SCUBE1: variants seen among roughly 807,000 people sequenced by gnomAD.
SCUBE1 encodes the protein signal peptide, CUB and EGF-like domain-containing protein 1.
Under a neutral mutation model 124.4 loss-of-function variants are expected in SCUBE1, and 59 were observed. The ratio of observed to expected loss-of-function variants is 0.47; its 90% CI spans 0.38 to 0.59. The LOEUF (loss-of-function observed/expected upper bound fraction) is 0.59, where lower values mean the gene tolerates loss of function less well. Ranked by LOEUF, SCUBE1 falls within the 20% of genes least tolerant of loss-of-function variation. SCUBE1 has a pLI of 0.00. For missense variants in SCUBE1, 1,150 were observed against 1,371.2 expected, an observed-to-expected ratio of 0.84 and a Z score of 2.55; for synonymous variants, 545 against 550.9, an observed-to-expected ratio of 0.99 and a Z score of 0.15.
intron 4 of SCUBE1, among the ~76,000 whole-genome samples, chr22:43,273,666 G>C (rs1924384011): frequency 7.1e-6 from 1 of 140,668 alleles, no homozygotes; most frequent in Admixed American, 7.9e-5. Flanking sequence ...TTGAACTCCA[G>C]GGCTCAAGCA....
intron 3 of SCUBE1, among the ~76,000 whole-genome samples, chr22:43,302,997 G>A (rs897965077): frequency 6.6e-6 from 1 of 152,176 alleles, no homozygotes; most frequent in East Asian, 1.9e-4. Context: ...ACCAAGGAGG[G>A]GCCCCGGAGC....
At chr22:43,214,302 G>A in intron 15 of SCUBE1, 51 bp from the exon 16 acceptor site, 1 of 1,563,392 alleles carries the variant, frequency 6.4e-7, no homozygotes, top group Non-Finnish European at 8.7e-7. Flanking sequence ...GGGAGGCCAG[G>A]GGTGTCTCCT....
At chr22:43,263,987 T>G (rs1015374513) in intron 4 of SCUBE1, among the ~76,000 whole-genome samples, 2 of 152,254 alleles carry the variant, frequency 1.3e-5, no homozygotes, top group South Asian at 4.1e-4. Flanking sequence ...GTCACACAGA[T>G]AGTGGCGTGC....
intron 17 of SCUBE1, 97 bp downstream of exon 17, chr22:43,212,328 C>A: frequency 7.3e-7 from 1 of 1,362,928 alleles, no homozygotes; most frequent in South Asian, 1.4e-5. Flanking sequence ...GGGAGGTTCG[C>A]CACATGGAGG....
intron 4 of SCUBE1, among the ~76,000 whole-genome samples, chr22:43,284,763 C>T (rs973316264): frequency 1.3e-5 from 2 of 151,800 alleles, no homozygotes; most frequent in East Asian, 1.9e-4. Context: ...TCATCGTCAT[C>T]GTCGTCGTCG....
At chr22:43,321,409 G>A (rs539656914) in intron 2 of SCUBE1, among the ~76,000 whole-genome samples, 3 of 152,326 alleles carry the variant, frequency 2.0e-5, no homozygotes, top group South Asian at 4.1e-4. Context: ...ACGTTCAGGG[G>A]TAGGAGTGCC....
At chr22:43,282,658 A>G (rs1340305422) in intron 4 of SCUBE1, 1 of 148,322 alleles carries the variant, frequency 6.7e-6, no homozygotes, top group Admixed American at 6.7e-5. Context: ...TCAGTTGGCC[A>G]CCACCTCAGA....
intron 2 of SCUBE1, among the ~76,000 whole-genome samples, chr22:43,321,316 G>A (rs1926546132): frequency 6.6e-6 from 1 of 152,214 alleles, no homozygotes; most frequent in Non-Finnish European, 1.5e-5. Context: ...GCTGCCGCAG[G>A]GAGACACGGA....
chr22:43,286,055 C>T (rs1462871245), intron 4 of SCUBE1, among the ~76,000 whole-genome samples: 2 of 152,192 alleles, frequency 1.3e-5, no homozygotes, highest in Admixed American at 6.5e-5. Flanking sequence ...CAAGAGCTTC[C>T]AGGTCCTGAC....
intron 2 of SCUBE1, among the ~76,000 whole-genome samples, chr22:43,328,647 A>G (rs775300623): frequency 2.6e-5 from 4 of 152,104 alleles, no homozygotes; most frequent in African/African-American, 4.8e-5. Context: ...GGCAATTTGA[A>G]CTCAAGGCTC....
chr22:43,287,127 G>C (rs1396501904), intron 4 of SCUBE1, among the ~76,000 whole-genome samples: 2 of 152,196 alleles, frequency 1.3e-5, no homozygotes, highest in East Asian at 1.9e-4. Flanking sequence ...TGGGAGGTAG[G>C]GGGTGCTATC....
intron 11 of SCUBE1, among the ~76,000 whole-genome samples, 173 bp from the exon 12 acceptor site, chr22:43,222,915 T>G (rs1922155757): frequency 6.6e-6 from 1 of 152,136 alleles, no homozygotes; most frequent in South Asian, 2.1e-4. Context: ...CCCACTGGGT[T>G]TACTGAGAAG....
At chr22:43,218,654 G>A (rs2146665212) in intron 14 of SCUBE1, among the ~76,000 whole-genome samples, 196 bp from the exon 15 acceptor site, 1 of 152,346 alleles carries the variant, frequency 6.6e-6, no homozygotes, top group African/African-American at 2.4e-5. Context: ...GGGAGGCAGG[G>A]CCTGCCCACG....
At chr22:43,318,067 T>C (rs1303272912) in intron 3 of SCUBE1, among the ~76,000 whole-genome samples, 1 of 152,136 alleles carries the variant, frequency 6.6e-6, no homozygotes, top group Non-Finnish European at 1.5e-5. Flanking sequence ...ACACCTTGAG[T>C]TTGGACTCCT....
intron 3 of SCUBE1, among the ~76,000 whole-genome samples, chr22:43,313,438 G>A (rs1237157454): frequency 6.6e-6 from 1 of 152,244 alleles, no homozygotes; most frequent in East Asian, 1.9e-4. Context: ...AGAAAGAGGA[G>A]CCTTGCTTTG....
chr22:43,301,195 G>A (rs1219483527), intron 3 of SCUBE1, among the ~76,000 whole-genome samples: 1 of 152,088 alleles, frequency 6.6e-6, no homozygotes, highest in African/African-American at 2.4e-5. Context: ...TCCCCTCCAG[G>A]GCTGCCACGG....
At position 43,198,310 on chromosome 22, in the gene SCUBE1, G is replaced by A; in HGVS notation, c.*5687C>T. 2.8e-5 allele frequency: 10 copies of A among 352,780 alleles called. No individual in the cohort carries two copies. The highest frequency in any genetic ancestry group is 2.1e-4 in the South Asian group (10 of 47,358). The allele number at this position is 352,780 out of a possible 1,614,324, so 21.9% of individuals were successfully genotyped here. On this transcript the variant is annotated 3_prime_UTR_variant, in exon 22 of 22. Transcript: ENST00000360835. Reference sequence around the variant, plus strand: ...CTCTGAGTGGCATGGTGCAGCAGGGGACTGGAGAGGCCTTGAGGCCATCGC... The same window carrying A: ...CTCTGAGTGGCATGGTGCAGCAGGGAACTGGAGAGGCCTTGAGGCCATCGC...
chr22:43,218,325 C>T lies in SCUBE1; in HGVS notation c.1821G>A (p.Gln607=). 6.2e-7 allele frequency: 1 copy of T among 1,613,468 alleles called. No homozygotes were observed. Among genetic ancestry groups the T allele is most frequent in the Non-Finnish European group, 8.5e-7 (1 of 1,180,040 alleles). Residue 607 remains glutamine (Q), a synonymous_variant, in exon 15 of 22, where the codon CAG becomes CAA. Coordinates refer to ENST00000360835, the MANE Select transcript of SCUBE1 (RefSeq NM_173050.5). The stretch of plus-strand genomic sequence containing the variant: ...GCCCCTCCAGCGCCTTGGCTGGCCT[C>T]TGGGCTACCTCGTACTCAGTGCCTG... ...QVSGTEYEVA[Q]RPAKALEGQG...
At chr22:43,277,378 T>C (rs1215768219) in intron 4 of SCUBE1, among the ~76,000 whole-genome samples, 1 of 150,848 alleles carries the variant, frequency 6.6e-6, no homozygotes, top group African/African-American at 2.4e-5. Context: ...CCAGAAGGCT[T>C]GCGGGGCAGG....
Sources: allele counts gnomAD v4.1 joint callset (sites outside exome capture counted in the v4.1 genomes callset), GRCh38; gene constraint gnomAD v4.1.1; transcripts MANE v1.5; gene names NCBI Gene and HGNC (gene_info 2026-07-23, HGNC 2026-07-21).